PEX14: variants seen among roughly 807,000 people sequenced by gnomAD.
The protein encoded by PEX14 is peroxisomal biogenesis factor 14.
PEX14 carries 15 observed loss-of-function variants against 49.5 expected under a neutral mutation model. The ratio of observed to expected loss-of-function variants is 0.30; its 90% CI spans 0.20 to 0.47. The LOEUF (loss-of-function observed/expected upper bound fraction) is 0.47. PEX14 is among the 20% of genes least tolerant of loss of function. PEX14 has a pLI of 1.00. For synonymous variants in PEX14, 210 were observed against 212.7 expected (o/e 0.99, Z 0.11); for missense variants, 398 against 494.8 (o/e 0.80, Z 1.86).
chr1:10,557,915 T>C (rs566491653), intron 3 of PEX14, among the ~76,000 whole-genome samples: 1 of 152,284 alleles, frequency 6.6e-6, no homozygotes, highest in Admixed American at 6.5e-5. Context: ...AATATAACTT[T>C]ATTTTTTCCT....
At chr1:10,527,333 A>T (rs1638516749) in intron 2 of PEX14, among the ~76,000 whole-genome samples, 1 of 151,494 alleles carries the variant, frequency 6.6e-6, no homozygotes, top group Admixed American at 6.6e-5. Context: ...CCTTGCCAAC[A>T]TGGTGAAACC....
At chr1:10,567,060 T>C (rs979678995) in intron 3 of PEX14, among the ~76,000 whole-genome samples, 3 of 152,332 alleles carry the variant, frequency 2.0e-5, no homozygotes, top group African/African-American at 7.2e-5. Context: ...AAAGCAGCCG[T>C]TGACAGTGTA....
chr1:10,542,845 A>G (rs1479481499), intron 3 of PEX14, among the ~76,000 whole-genome samples: 1 of 152,202 alleles, frequency 6.6e-6, no homozygotes, highest in African/African-American at 2.4e-5. Flanking sequence ...GTCTCAAGCA[A>G]TGGCCCAATG....
chr1:10,499,448 T>A (rs959607722), intron 2 of PEX14, among the ~76,000 whole-genome samples: 1 of 26,784 alleles, frequency 3.7e-5, no homozygotes, highest in Non-Finnish European at 1.5e-4. Context: ...AAGAACAATT[T>A]TTTTTTTTTT....
In PEX14 at chr1:10,501,451, G is replaced by A. The variant is rs191239305; in HGVS notation, c.84+6130G>A. On this transcript the variant is annotated intron_variant, in intron 2 of 8. Coordinates refer to ENST00000356607, the MANE Select transcript of PEX14 (RefSeq NM_004565.3). ...CTCCCGAGTAGCTGGGACTACAGGC[G>A]CCCGCCACCTCGCCCGGCTTTTTGT... 8.1e-3 allele frequency among the ~76,000 whole-genome samples: 1,233 copies of A among 152,170 alleles called. 17 individuals carry two copies. Among genetic ancestry groups the A allele is most frequent in the African/African-American group, 0.028 (1,164 of 41,524 alleles).
At chr1:10,478,562 T>G (rs2124365161) in intron 1 of PEX14, among the ~76,000 whole-genome samples, 1 of 152,256 alleles carries the variant, frequency 6.6e-6, no homozygotes, top group South Asian at 2.1e-4. Flanking sequence ...TTGTTCTGTG[T>G]TCCCCACATT....
chr1:10,607,598 A>G (rs1641162142), intron 4 of PEX14, among the ~76,000 whole-genome samples: 1 of 152,176 alleles, frequency 6.6e-6, no homozygotes, highest in Non-Finnish European at 1.5e-5. Flanking sequence ...ATATGCTGGT[A>G]TCTCATGGTG....
intron 1 of PEX14, among the ~76,000 whole-genome samples, chr1:10,480,313 C>T (rs1343827278): frequency 6.6e-5 from 10 of 150,384 alleles, no homozygotes; most frequent in African/African-American, 2.0e-4. Flanking sequence ...CAGGTTCAAG[C>T]GGTTCTCCTG....
At chr1:10,607,590 A>G (rs140738876) in intron 4 of PEX14, among the ~76,000 whole-genome samples, 1 of 152,266 alleles carries the variant, frequency 6.6e-6, no homozygotes, top group Non-Finnish European at 1.5e-5. Flanking sequence ...TAGTGTGTAT[A>G]TGCTGGTATC....
Position 10,587,920 on chromosome 1 carries a change from T to TAAA in PEX14, c.170-11310_170-11308dup, listed in dbSNP as rs1290613528. ...CTTTTTTTTTTTTTTTTTTTTTTTT[T>TAAA]AAAAAAAAAAGAGATGGAGTCTTGG... On this transcript the variant is annotated intron_variant, in intron 3 of 8. Coordinates refer to ENST00000356607, the MANE Select transcript of PEX14 (RefSeq NM_004565.3). 3.2e-3 allele frequency among the ~76,000 whole-genome samples: 207 copies of TAAA among 64,078 alleles called. 4 individuals are homozygous for TAAA. Among genetic ancestry groups the TAAA allele is most frequent in the East Asian group, 6.1e-3 (13 of 2,134 alleles). The allele number at this position is 64,078 out of a possible 152,430, so 42.0% of individuals were successfully genotyped here. A position where few individuals can be genotyped will look rare whatever the true frequency, so the allele number is the denominator to read the frequency against.
intron 3 of PEX14, among the ~76,000 whole-genome samples, chr1:10,564,254 T>C (rs1231067010): frequency 6.6e-6 from 1 of 152,172 alleles, no homozygotes; most frequent in Non-Finnish European, 1.5e-5. Flanking sequence ...TAGACCTTCT[T>C]TCCATGTTCT....
In PEX14 at chr1:10,629,778, G is replaced by T. The variant is rs764272265; in HGVS notation, c.925G>T (p.Val309Leu). The T allele has an allele frequency of 7.6e-6, 12 of 1,582,896 alleles. No homozygotes were observed. The Admixed American group carries it at 2.2e-4, about 29-fold the overall frequency. The change falls in exon 9 of 9, where the codon GTG (valine) becomes TTG (leucine). Residue 309 changes from valine (V) to leucine (L), a missense_variant. By Grantham distance (32) the Val-to-Leu change is conservative (BLOSUM62 1). This residue lies in a region of PEX14 where 140 missense variants were observed against 155.5 expected (regional missense o/e 0.90). Transcript: ENST00000356607. The surrounding 1 kb of genome is among the most constrained non-coding windows in gnomAD (Gnocchi z 8.5). ...GGGGGTGGTGGACGTCAAGGGCCAG[G>T]TGCGGATGGAGGTGCAAGGCGAGGA... ...GEGVVDVKGQVRMEVQGEEEK... is the reference protein window; with the variant it reads ...GEGVVDVKGQLRMEVQGEEEK...
intron 3 of PEX14, among the ~76,000 whole-genome samples, chr1:10,570,471 T>C (rs1034171490): frequency 6.6e-6 from 1 of 152,138 alleles, no homozygotes; most frequent in African/African-American, 2.4e-5. Flanking sequence ...TAGCTGGGAC[T>C]ACAGGTGCAC....
intron 3 of PEX14, among the ~76,000 whole-genome samples, chr1:10,537,609 T>C (rs1479073020): frequency 6.6e-6 from 1 of 152,126 alleles, no homozygotes; most frequent in Non-Finnish European, 1.5e-5. Context: ...TCCAGTATAT[T>C]GTGCAATATT....
At chr1:10,619,365 G>A (rs530768991) in intron 5 of PEX14, among the ~76,000 whole-genome samples, 6 of 148,800 alleles carry the variant, frequency 4.0e-5, no homozygotes, top group East Asian at 2.0e-4. Context: ...CACCTAGGCC[G>A]GAGTGCAGTG....
rs188894823 is a variant in PEX14, at chr1:10,609,871, C to T, written c.299-8461C>T. 1.5e-3 allele frequency among the ~76,000 whole-genome samples: 223 copies of T among 151,872 alleles called. 1 individual carries two copies. Among genetic ancestry groups the T allele is most frequent in the African/African-American group, 3.9e-3 (160 of 41,384 alleles). Reference sequence around the variant, plus strand: ...TTGTACTCCAGCCTGGGTGACCGAACGAAGCTCCATCTCAAAAAATAAATA... The same window carrying T: ...TTGTACTCCAGCCTGGGTGACCGAATGAAGCTCCATCTCAAAAAATAAATA... On this transcript the variant is annotated intron_variant, in intron 4 of 8. Transcript: ENST00000356607.
chr1:10,615,545 CA>C (rs1196293526), intron 4 of PEX14, among the ~76,000 whole-genome samples: 2 of 152,222 alleles, frequency 1.3e-5, no homozygotes, highest in African/African-American at 4.8e-5. Context: ...AGGCATTGCG[CA>C]GCGGCTCAGG....
chr1:10,624,377 G>C lies in PEX14; in HGVS notation c.525G>C (p.Glu175Asp). Residue 175 changes from glutamate to aspartate, a missense_variant, in exon 7 of 9, where the codon GAG (glutamate) becomes GAC (aspartate). By Grantham distance (45) the Glu-to-Asp change is conservative. Coordinates refer to ENST00000356607, the MANE Select transcript of PEX14 (RefSeq NM_004565.3). ...QLQTTLASVQ[E>D]LLIQQQQKIQ... ...AGACGACCCTCGCCTCCGTCCAGGA[G>C]CTGCTGATTCAGCAGCAGCAGAAGA... 6.2e-7 allele frequency: 1 copy of C among 1,613,518 alleles called. No individual in the cohort carries two copies. The highest frequency in any genetic ancestry group is 2.2e-5 in the East Asian group (1 of 44,874).
intron 2 of PEX14, among the ~76,000 whole-genome samples, chr1:10,523,825 TAAAA>T (rs59324356): frequency 8.0e-4 from 106 of 132,358 alleles, no homozygotes; most frequent in Admixed American, 8.3e-4. Flanking sequence ...TCCTTTTAGT[TAAAA>T]AAAAAAAAAA....
Sources: allele counts gnomAD v4.1 joint callset (sites outside exome capture counted in the v4.1 genomes callset), GRCh38; gene constraint gnomAD v4.1.1; regional missense constraint gnomAD v4.1.1; non-coding constraint Gnocchi (gnomAD v3.1); transcripts MANE v1.5; gene names NCBI Gene and HGNC (gene_info 2026-07-23, HGNC 2026-07-21).